Variants in GPC5 observed in about 807,000 individuals in gnomAD.
The protein encoded by GPC5 is glypican 5, also known as glypican-5.
In GPC5, 47 loss-of-function variants were observed where a neutral mutation model predicts 53.9. The observed-to-expected ratio is 0.87, with a 90% confidence interval of 0.69 to 1.11. GPC5 has a LOEUF of 1.11. Among genes scored for constraint, GPC5 ranks in the 50% most tolerant of loss-of-function variants. The pLI, the probability that GPC5 is intolerant of heterozygous loss-of-function variation, is 0.00. For synonymous variants in GPC5, 286 were observed against 263.3 expected (o/e 1.09, Z -0.84); for missense variants, 748 against 713.1 (o/e 1.05, Z -0.56).
chr13:92,234,749 A>G (rs1015705552), intron 7 of GPC5, among the ~76,000 whole-genome samples: 1 of 152,144 alleles, frequency 6.6e-6, no homozygotes, highest in African/African-American at 2.4e-5. Context: ...TGAGAAAGGA[A>G]TAGCACTTTT....
intron 7 of GPC5, among the ~76,000 whole-genome samples, chr13:92,431,779 G>A (rs1337991294): frequency 6.6e-6 from 1 of 152,108 alleles, no homozygotes; most frequent in African/African-American, 2.4e-5. Flanking sequence ...TCAAATAGAA[G>A]GGAGAAGGAA....
At chr13:92,723,262 G>A (rs769027714) in intron 7 of GPC5, among the ~76,000 whole-genome samples, 4 of 85,268 alleles carry the variant, frequency 4.7e-5, no homozygotes, top group Non-Finnish European at 6.9e-5. Context: ...ATTATTTGCA[G>A]GAATGAAATA....
Position 92,262,276 on chromosome 13 carries a change from A to G in GPC5, c.1561+117287A>G, listed in dbSNP as rs938295653. ...CCAAAATCTTATTAGTGGAGATGCT[A>G]TGCAGTGAAATGTCAACACAGGGCA... On this transcript the variant is annotated intron_variant, in intron 7 of 7. Coordinates refer to ENST00000377067, the MANE Select transcript of GPC5 (RefSeq NM_004466.6). 2.0e-5 allele frequency among the ~76,000 whole-genome samples: 3 copies of G among 152,188 alleles called. No individual in the cohort carries two copies. The South Asian group carries it at 6.2e-4, about 31-fold the overall frequency.
At chr13:92,569,836 A>T (rs1386222023) in intron 7 of GPC5, among the ~76,000 whole-genome samples, 1 of 152,200 alleles carries the variant, frequency 6.6e-6, no homozygotes, top group African/African-American at 2.4e-5. Context: ...TTTGATTATG[A>T]ACTGATACAG....
chr13:92,519,592 C>T (rs1428972003), intron 7 of GPC5, among the ~76,000 whole-genome samples: 1 of 152,108 alleles, frequency 6.6e-6, no homozygotes, highest in Admixed American at 6.6e-5. Flanking sequence ...AGAACAAAGA[C>T]ACAACATACC....
intron 5 of GPC5, among the ~76,000 whole-genome samples, chr13:91,897,061 T>C (rs528705774): frequency 6.6e-6 from 1 of 152,190 alleles, no homozygotes; most frequent in African/African-American, 2.4e-5. Context: ...CTCCTCCTCC[T>C]TTTTCATCAA....
chr13:92,306,615 G>C (rs1021064061), intron 7 of GPC5, among the ~76,000 whole-genome samples: 1 of 152,118 alleles, frequency 6.6e-6, no homozygotes, highest in African/African-American at 2.4e-5. Context: ...GCAGTGAATG[G>C]TGGCCCCAGA....
rs1227100551 is a variant in GPC5 at position 91,978,174 on chromosome 13, G to T, written c.1401+70117G>T. Among the ~76,000 whole-genome samples the T allele has an allele frequency of 4.6e-5, 7 of 152,244 alleles. No individual in the cohort carries two copies. The East Asian group carries it at 1.4e-3, about 29-fold the overall frequency. ...ATCACATGAGACTTACATTAAATTTGTATTCTCAGGCCCAGCTGAAAGCTA... is the reference window on the plus strand; with the variant it reads ...ATCACATGAGACTTACATTAAATTTTTATTCTCAGGCCCAGCTGAAAGCTA... On this transcript the variant is annotated intron_variant, in intron 6 of 7. Transcript: ENST00000377067.
intron 2 of GPC5, among the ~76,000 whole-genome samples, chr13:91,485,359 C>G (rs987205720): frequency 6.6e-6 from 1 of 152,010 alleles, no homozygotes; most frequent in Non-Finnish European, 1.5e-5. Flanking sequence ...ATTACAGGTG[C>G]ATACCACCAT....
intron 2 of GPC5, among the ~76,000 whole-genome samples, chr13:91,634,399 G>T (rs2034234751): frequency 2.0e-5 from 3 of 151,948 alleles, no homozygotes; most frequent in Admixed American, 2.0e-4. Context: ...TAAGATATTA[G>T]CTTAGGTCAC....
At chr13:91,518,125 TA>T (rs1885609921) in intron 2 of GPC5, among the ~76,000 whole-genome samples, 1 of 152,244 alleles carries the variant, frequency 6.6e-6, no homozygotes, top group Non-Finnish European at 1.5e-5. Context: ...AAAAATAGCT[TA>T]AATTATTCAT....
At chr13:91,964,676 C>T (rs768828318) in intron 6 of GPC5, among the ~76,000 whole-genome samples, 6 of 152,102 alleles carry the variant, frequency 3.9e-5, no homozygotes, top group Admixed American at 1.3e-4. Flanking sequence ...ATCCCCATCC[C>T]ACCCAAAAGC....
Position 91,506,022 on chromosome 13 carries a change from G to A in GPC5, c.325+57100G>A, listed in dbSNP as rs1335999735. 2.0e-5 allele frequency among the ~76,000 whole-genome samples: 3 copies of A among 152,032 alleles called. No homozygotes were observed. In the East Asian group the frequency reaches 5.8e-4, roughly 29 times the overall value. ...GGTGATATATTTGTGTTTCTATTATGTGATACGGGTTTGCACAGATTCTAT... is the reference window on the plus strand; with the variant it reads ...GGTGATATATTTGTGTTTCTATTATATGATACGGGTTTGCACAGATTCTAT... On this transcript the variant is annotated intron_variant, in intron 2 of 7. Coordinates refer to ENST00000377067, the MANE Select transcript of GPC5 (RefSeq NM_004466.6).
chr13:92,508,548 G>A (rs980764991), intron 7 of GPC5, among the ~76,000 whole-genome samples: 19 of 152,222 alleles, frequency 1.2e-4, no homozygotes, highest in East Asian at 3.9e-4. Context: ...GAGGAAACAC[G>A]AGTATGGAGA....
chr13:92,355,997 C>T (rs1161496003), intron 7 of GPC5, among the ~76,000 whole-genome samples: 5 of 151,118 alleles, frequency 3.3e-5, no homozygotes, highest in Non-Finnish European at 7.4e-5. Context: ...CTTTGACCCT[C>T]TTTCCCATCA....
intron 7 of GPC5, among the ~76,000 whole-genome samples, chr13:92,527,108 A>AAAGAAAGAAAGAAAGAAAG: frequency 2.6e-5 from 1 of 39,024 alleles, no homozygotes; most frequent in Admixed American, 3.5e-4. Flanking sequence ...AAAGAAAGAA[A>AAAGAAAGAAAGAAAGAAAG]AAAGAAAGAA....
intron 5 of GPC5, among the ~76,000 whole-genome samples, chr13:91,766,803 TGAG>T: frequency 1.3e-5 from 2 of 152,232 alleles, no homozygotes; most frequent in African/African-American, 4.8e-5. Flanking sequence ...GAGGTTGCAG[TGAG>T]CCGAGACTGC....
chr13:91,420,644 C>T (rs1031542163), intron 1 of GPC5, among the ~76,000 whole-genome samples: 2 of 152,142 alleles, frequency 1.3e-5, no homozygotes, highest in African/African-American at 4.8e-5. Flanking sequence ...GTGTCCCCAC[C>T]CAAATCTCAT....
chr13:91,854,027 G>A (rs2038941250), intron 5 of GPC5, among the ~76,000 whole-genome samples: 1 of 151,556 alleles, frequency 6.6e-6, no homozygotes, highest in Non-Finnish European at 1.5e-5. Context: ...TCTGCTGTTA[G>A]AAGGTTTATT....
Sources: gnomAD v4.1 joint callset for allele counts (sites outside exome capture counted in the v4.1 genomes callset) on GRCh38, gnomAD v4.1.1 for gene constraint, MANE v1.5 for transcripts, NCBI Gene and HGNC (gene_info 2026-07-23, HGNC 2026-07-21) for gene names.